NBEAL1: variants seen among roughly 807,000 people sequenced by gnomAD.
The protein encoded by NBEAL1 is neurobeachin-like protein 1.
In NBEAL1, 273 loss-of-function variants were observed where a neutral mutation model predicts 351.3. The observed-to-expected ratio is 0.78, with a 90% CI of 0.70 to 0.86. NBEAL1 has a LOEUF of 0.86. NBEAL1 is among the 40% of genes least tolerant of loss of function. The pLI, the probability that NBEAL1 is intolerant of heterozygous loss-of-function variation, is 0.00. For synonymous variants in NBEAL1, 1,050 were observed against 1,086.4 expected (o/e 0.97, Z 0.66); for missense variants, 2,961 against 3,201.3 (o/e 0.92, Z 1.81).
intron 4 of NBEAL1, among the ~76,000 whole-genome samples, chr2:203,055,906 C>T (rs2061395037): frequency 6.6e-6 from 1 of 152,120 alleles, no homozygotes; most frequent in Admixed American, 6.5e-5. Context: ...AGTAAAGATG[C>T]TGTTAGCCCT....
At chr2:203,187,612 G>A (rs1057394442) in intron 44 of NBEAL1, among the ~76,000 whole-genome samples, 2 of 151,382 alleles carry the variant, frequency 1.3e-5, no homozygotes, top group African/African-American at 4.9e-5. Flanking sequence ...GTGGTGGCAG[G>A]CGCCTGTAAT....
chr2:203,116,137 T>C, intron 18 of NBEAL1, 67 bp downstream of exon 18: 1 of 1,055,784 alleles, frequency 9.5e-7, no homozygotes. Context: ...TCCTTTTCTA[T>C]TCCTTTTGTC....
chr2:203,199,901 A>G (rs1022403010), intron 49 of NBEAL1, among the ~76,000 whole-genome samples: 2 of 152,200 alleles, frequency 1.3e-5, no homozygotes, highest in African/African-American at 2.4e-5. Context: ...CTTAGTTTCC[A>G]TAATATGAGT....
At chr2:203,091,290 C>G (rs1397482476) in intron 10 of NBEAL1, among the ~76,000 whole-genome samples, 2 of 152,162 alleles carry the variant, frequency 1.3e-5, no homozygotes, top group African/African-American at 2.4e-5. Flanking sequence ...CAAGATTCGT[C>G]CATGTCGTAG....
chr2:203,166,655 T>C (rs2064141997), intron 37 of NBEAL1, among the ~76,000 whole-genome samples: 1 of 152,096 alleles, frequency 6.6e-6, no homozygotes, highest in African/African-American at 2.4e-5. Flanking sequence ...CAAGCGATTC[T>C]CCTGCCTCAG....
intron 35 of NBEAL1, among the ~76,000 whole-genome samples, chr2:203,153,972 G>C (rs1217100668): frequency 6.6e-6 from 1 of 151,886 alleles, no homozygotes; most frequent in African/African-American, 2.4e-5. Flanking sequence ...TGAGCCGGGC[G>C]TGGTGGCTCA....
chr2:203,095,159 T>C (rs1351395265), intron 10 of NBEAL1, among the ~76,000 whole-genome samples: 1 of 152,068 alleles, frequency 6.6e-6, no homozygotes, highest in Non-Finnish European at 1.5e-5. Context: ...AGAAAACTAT[T>C]ATCTTTAGTA....
At chr2:203,175,388 C>A (rs1190598394) in intron 42 of NBEAL1, 101 bp downstream of exon 42, 3 of 1,210,538 alleles carry the variant, frequency 2.5e-6, no homozygotes, top group South Asian at 1.5e-5. Context: ...TTTTATTCTC[C>A]TGTATTAAAT....
chr2:203,118,766 A>G (rs902231036), intron 18 of NBEAL1, among the ~76,000 whole-genome samples: 1 of 151,708 alleles, frequency 6.6e-6, no homozygotes, highest in African/African-American at 2.4e-5. Flanking sequence ...TAATTTTTGT[A>G]TTTTGGTAGA....
At chr2:203,065,281 A>G (rs2061562890) in intron 6 of NBEAL1, among the ~76,000 whole-genome samples, 1 of 152,118 alleles carries the variant, frequency 6.6e-6, no homozygotes, top group Admixed American at 6.6e-5. Context: ...AAAATTTGGG[A>G]TAAAGTGTTA....
At chr2:203,049,675 A>G in intron 3 of NBEAL1, 139 bp from the exon 4 acceptor site, 1 of 635,860 alleles carries the variant, frequency 1.6e-6, no homozygotes, top group South Asian at 2.4e-5. Flanking sequence ...TCTGTGTTGC[A>G]GACGAGAAGG....
rs1436222888 is a variant in NBEAL1, at chr2:203,113,256, G to A, written c.2444G>A (p.Gly815Glu). 17 of 1,501,532 alleles carry A rather than the reference G, an allele frequency of 1.1e-5. No homozygotes were observed. The highest frequency in any genetic ancestry group is 4.6e-5 in the Admixed American group (2 of 43,728). The allele number at this position is 1,501,532 out of a possible 1,614,324, so 93.0% of individuals were successfully genotyped here. The change falls in exon 17 of 56, where the codon GGA becomes GAA. Residue 815 changes from glycine to glutamate, a missense_variant. Coordinates refer to ENST00000683969, the MANE Select transcript of NBEAL1 (RefSeq NM_001378026.1). ...CCCACATCTCTGGAGGGTCAGCTAG[G>A]ATCTGTTATCATCTTTTATGAACCA... is the stretch of plus-strand genomic sequence containing the variant. Reference protein sequence around the residue: ...GCPTSLEGQLGSVIIFYEPLQ... With the variant: ...GCPTSLEGQLESVIIFYEPLQ...
At chr2:203,087,295 C>T (rs1323197782) in intron 10 of NBEAL1, among the ~76,000 whole-genome samples, 1 of 151,498 alleles carries the variant, frequency 6.6e-6, no homozygotes, top group African/African-American at 2.4e-5. Flanking sequence ...GTTTCACCAC[C>T]TTGGCCAGGC....
chr2:203,221,667 C>T lies in NBEAL1; in HGVS notation c.*4313C>T, dbSNP rs968597470. Among the ~76,000 whole-genome samples the T allele has an allele frequency of 1.3e-5, 2 of 152,182 alleles. No homozygotes were observed. Among genetic ancestry groups the T allele is most frequent in the African/African-American group, 4.8e-5 (2 of 41,454 alleles). ...AGCAATCTTAAACATTTTCATCACT[C>T]TTTAACAAAATCCATTCTCAATATT... On this transcript the variant is annotated 3_prime_UTR_variant, in exon 56 of 56. Transcript: ENST00000683969.
rs1482678440 is a variant in NBEAL1, at chr2:203,113,166, T to C, written c.2354T>C (p.Ile785Thr). The change falls in exon 17 of 56, where the codon ATT (isoleucine) becomes ACT (threonine). Residue 785 changes from isoleucine (I) to threonine (T), a missense_variant. Coordinates refer to ENST00000683969, the MANE Select transcript of NBEAL1 (RefSeq NM_001378026.1). ...TCATCAGCCTCCTGGGGAGGAACAA[T>C]TGAAAAATCAAAATTGATTACCAAA... is the stretch of plus-strand genomic sequence containing the variant. ...ILSSASWGGT[I>T]EKSKLITKLI... 2.6e-6 allele frequency: 4 copies of C among 1,552,222 alleles called. No individual in the cohort carries two copies. The highest frequency in any genetic ancestry group is 4.8e-5 in the East Asian group (2 of 41,326).
chr2:203,094,693 T>C lies in NBEAL1; in HGVS notation c.1099-2854T>C, dbSNP rs148884940. Among the ~76,000 whole-genome samples the C allele has an allele frequency of 3.3e-5, 5 of 152,340 alleles. No individual in the cohort carries two copies. The East Asian group carries it at 7.7e-4, about 23-fold the overall frequency. ...AACTATAGAGTACTTTACAATTCCATGGAATCATACATTTAACTTTTATGA... is the reference window on the plus strand; with the variant it reads ...AACTATAGAGTACTTTACAATTCCACGGAATCATACATTTAACTTTTATGA... On this transcript the variant is annotated intron_variant, in intron 10 of 55. Coordinates refer to ENST00000683969, the MANE Select transcript of NBEAL1 (RefSeq NM_001378026.1).
At chr2:203,168,939 ATAGT>A (rs1245803919) in intron 38 of NBEAL1, among the ~76,000 whole-genome samples, 1 of 151,016 alleles carries the variant, frequency 6.6e-6, no homozygotes, top group Admixed American at 6.6e-5. Flanking sequence ...TCCTTTTTTA[ATAGT>A]TAAAGAAACT....
chr2:203,061,704 A>C (rs768097501), intron 6 of NBEAL1: 51 of 159,680 alleles, frequency 3.2e-4, no homozygotes, highest in Non-Finnish European at 6.7e-4. Flanking sequence ...GAAGAAGCTA[A>C]TAATTTATCA....
chr2:203,030,519 A>G (rs2106015131), intron 2 of NBEAL1, among the ~76,000 whole-genome samples: 1 of 152,328 alleles, frequency 6.6e-6, no homozygotes, highest in South Asian at 2.1e-4. Context: ...AAGCCAAGGG[A>G]CTAACCGGAA....
Sources: allele counts gnomAD v4.1 joint callset (sites outside exome capture counted in the v4.1 genomes callset), GRCh38; gene constraint gnomAD v4.1.1; transcripts MANE v1.5; gene names NCBI Gene and HGNC (gene_info 2026-07-23, HGNC 2026-07-21).